The following THRB variants were observed in gnomAD, a reference collection of about 807,000 sequenced individuals.
The protein encoded by THRB is thyroid hormone receptor beta, also known as nuclear receptor subfamily 1 group A member 2.
Under a neutral mutation model 47.8 loss-of-function variants are expected in THRB, and 12 were observed. The ratio of observed to expected loss-of-function variants is 0.25; its 90% CI spans 0.16 to 0.41. The LOEUF is 0.41. Among genes scored for constraint, THRB ranks in the 10% least tolerant of loss-of-function variants. The pLI, the probability that THRB is intolerant of heterozygous loss-of-function variation, is 1.00. For synonymous variants in THRB, 218 were observed against 212.2 expected (o/e 1.03, Z -0.24); for missense variants, 348 against 589.2 (o/e 0.59, Z 4.24).
chr3:24,357,001 A>G (rs2063716462), intron 1 of THRB, among the ~76,000 whole-genome samples: 1 of 151,560 alleles, frequency 6.6e-6, no homozygotes, highest in African/African-American at 2.4e-5. Context: ...ATACAGACTT[A>G]GACTTAAAAA....
Position 24,119,071 on chromosome 3 carries a change from C to T in THRB, c.*3813G>A, listed in dbSNP as rs571340397. ...TGTCTCAATTGTAAAAAATACACAC[C>T]GGGCAAATCCTTACCTGGATAATAA... On this transcript the variant is annotated 3_prime_UTR_variant, in exon 11 of 11. Transcript: ENST00000646209. 5 of 143,734 alleles carry T rather than the reference C, an allele frequency of 3.5e-5. No individual in the cohort carries two copies. Among genetic ancestry groups the T allele is most frequent in the South Asian group, 2.2e-4 (1 of 4,532 alleles). 8.9% of individuals were successfully genotyped at this position (143,734 alleles called of 1,614,324 possible).
intron 1 of THRB, among the ~76,000 whole-genome samples, chr3:24,444,933 G>A (rs1033268447): frequency 6.6e-6 from 1 of 152,096 alleles, no homozygotes; most frequent in Non-Finnish European, 1.5e-5. Context: ...CTTAAAGAAT[G>A]CTGAGACAAT....
intron 4 of THRB, among the ~76,000 whole-genome samples, chr3:24,196,357 TA>T (rs917886453): frequency 1.3e-5 from 2 of 152,072 alleles, no homozygotes; most frequent in South Asian, 4.2e-4. Flanking sequence ...AAAATAAAAA[TA>T]AAAAAAGTTG....
intron 1 of THRB, among the ~76,000 whole-genome samples, chr3:24,489,662 C>T (rs1197538271): frequency 6.6e-6 from 1 of 152,138 alleles, no homozygotes; most frequent in Non-Finnish European, 1.5e-5. Context: ...TGCACAAGAG[C>T]TGACAGTATA....
chr3:24,457,450 C>G (rs2073286213), intron 1 of THRB, among the ~76,000 whole-genome samples: 1 of 152,196 alleles, frequency 6.6e-6, no homozygotes, highest in African/African-American at 2.4e-5. Flanking sequence ...TAGTCTGACT[C>G]TGACCTCAGA....
chr3:24,260,329 G>A (rs1013514460), intron 3 of THRB, among the ~76,000 whole-genome samples: 2 of 152,158 alleles, frequency 1.3e-5, no homozygotes, highest in African/African-American at 4.8e-5. Flanking sequence ...CATGAGCTGT[G>A]TGGCAGCCCC....
At chr3:24,143,377 C>A (rs146869584) in intron 8 of THRB, 124 bp downstream of exon 8, 1 of 991,038 alleles carries the variant, frequency 1.0e-6, no homozygotes, top group South Asian at 1.3e-5. Context: ...CCTCTCAGAG[C>A]TACGGTTTCC....
At chr3:24,270,381 C>T (rs1553684252) in intron 3 of THRB, among the ~76,000 whole-genome samples, 5 of 152,172 alleles carry the variant, frequency 3.3e-5, no homozygotes, top group Non-Finnish European at 5.9e-5. Flanking sequence ...AAATGAAAAA[C>T]ATGTGTCAGG....
chr3:24,390,500 C>T (rs1229526343), intron 1 of THRB, among the ~76,000 whole-genome samples: 4 of 152,046 alleles, frequency 2.6e-5, no homozygotes, highest in African/African-American at 9.7e-5. Context: ...ATAGTAATCC[C>T]ACAACTTGGG....
chr3:24,481,229 GTTTT>G (rs746323691), intron 1 of THRB, among the ~76,000 whole-genome samples: 705 of 55,358 alleles, frequency 0.013, 14 homozygotes, highest in African/African-American at 0.046. Context: ...GTTTCTTTCT[GTTTT>G]TTTTTTTTTT....
At chr3:24,165,309 C>A in intron 5 of THRB, 1 of 764,940 alleles carries the variant, frequency 1.3e-6, no homozygotes, top group Non-Finnish European at 2.4e-6. Context: ...CAATTGCTGC[C>A]GGCAGCTGGG....
intron 2 of THRB, among the ~76,000 whole-genome samples, chr3:24,335,478 CA>C (rs1354115024): frequency 6.6e-6 from 1 of 152,184 alleles, no homozygotes; most frequent in Non-Finnish European, 1.5e-5. Flanking sequence ...ACAGTATTTT[CA>C]TTCACTAAAT....
At chr3:24,454,522 C>A (rs1460080481) in intron 1 of THRB, among the ~76,000 whole-genome samples, 3 of 152,092 alleles carry the variant, frequency 2.0e-5, no homozygotes, top group Admixed American at 2.0e-4. Flanking sequence ...TGTGGATTCT[C>A]AATAAAGCTG....
At chr3:24,323,590 T>G (rs942688563) in intron 2 of THRB, among the ~76,000 whole-genome samples, 2 of 152,344 alleles carry the variant, frequency 1.3e-5, no homozygotes, top group Admixed American at 1.3e-4. Context: ...AAACCATGCT[T>G]TGAGCAGCAA....
chr3:24,205,671 G>T (rs1318234950), intron 4 of THRB, among the ~76,000 whole-genome samples: 1 of 152,242 alleles, frequency 6.6e-6, no homozygotes, highest in East Asian at 1.9e-4. Context: ...AAATGTAAAT[G>T]GGCTCATTGC....
intron 7 of THRB, among the ~76,000 whole-genome samples, chr3:24,146,141 A>G (rs547928052): frequency 1.3e-5 from 2 of 152,328 alleles, no homozygotes; most frequent in Admixed American, 6.5e-5. Context: ...AGGATGACTC[A>G]TGCAATAGCA....
intron 4 of THRB, among the ~76,000 whole-genome samples, chr3:24,210,901 A>T (rs1385921177): frequency 6.6e-6 from 1 of 152,158 alleles, no homozygotes; most frequent in Non-Finnish European, 1.5e-5. Context: ...TTTTTGGAAG[A>T]TATAAAAGAT....
chr3:24,342,153 CAAAAA>C (rs10574941), intron 1 of THRB, among the ~76,000 whole-genome samples: 8 of 138,872 alleles, frequency 5.8e-5, no homozygotes, highest in Admixed American at 1.4e-4. Context: ...CTGTTGCGCT[CAAAAA>C]AAAAAAAAAA....
At chr3:24,214,661 C>G (rs2046386814) in intron 4 of THRB, among the ~76,000 whole-genome samples, 1 of 152,190 alleles carries the variant, frequency 6.6e-6, no homozygotes, top group South Asian at 2.1e-4. Flanking sequence ...CCCTTCTGAT[C>G]TGTCAGTGAG....
Sources: gnomAD v4.1 joint callset for allele counts (sites outside exome capture counted in the v4.1 genomes callset) on GRCh38, gnomAD v4.1.1 for gene constraint, MANE v1.5 for transcripts, NCBI Gene and HGNC (gene_info 2026-07-23, HGNC 2026-07-21) for gene names.